The following SPAG16 variants were observed in gnomAD, a reference collection of about 807,000 sequenced individuals.
SPAG16 encodes the protein sperm-associated antigen 16 protein.
Under a neutral mutation model 80.4 loss-of-function variants are expected in SPAG16, and 86 were observed. That is an observed-to-expected ratio of 1.07 (90% CI 0.90 to 1.28). The LOEUF (loss-of-function observed/expected upper bound fraction) is 1.28, where lower values mean the gene tolerates loss of function less well. Among genes scored for constraint, SPAG16 ranks in the 50% most tolerant of loss-of-function variants. The probability of loss-of-function intolerance (pLI) is 0.00; values close to 1 mark genes in which losing one functional copy is unlikely to be tolerated. For synonymous variants in SPAG16, 294 were observed against 265.9 expected, an observed-to-expected ratio of 1.11 and a Z score of -1.03; for missense variants, 870 against 765.3, an observed-to-expected ratio of 1.14 and a Z score of -1.61.
intron 15 of SPAG16, among the ~76,000 whole-genome samples, chr2:214,305,368 T>G (rs1271971738): frequency 6.6e-6 from 1 of 152,218 alleles, no homozygotes; most frequent in Non-Finnish European, 1.5e-5. Context: ...AGAATCTCTT[T>G]AGTTTAATTA....
intron 10 of SPAG16, among the ~76,000 whole-genome samples, chr2:213,560,633 T>C (rs758052551): frequency 6.6e-6 from 1 of 152,196 alleles, no homozygotes; most frequent in Non-Finnish European, 1.5e-5. Flanking sequence ...TCTGGTGATA[T>C]AAGTTGTATG....
At chr2:213,986,891 CAAAAAAAAAAAAA>C (rs369965944) in intron 12 of SPAG16, among the ~76,000 whole-genome samples, 3 of 57,648 alleles carry the variant, frequency 5.2e-5, no homozygotes, top group East Asian at 1.6e-3. Flanking sequence ...TCTGGTATAG[CAAAAAAAAAAAAA>C]AAAAAAAAAA....
chr2:213,664,530 C>G (rs1294017369), intron 10 of SPAG16, among the ~76,000 whole-genome samples: 1 of 152,078 alleles, frequency 6.6e-6, no homozygotes, highest in African/African-American at 2.4e-5. Flanking sequence ...TAAGAAATGA[C>G]AAGCTCTCTG....
In SPAG16 at chr2:213,790,584, TATA is replaced by T. The variant is rs1240842427; in HGVS notation, c.1071-71897_1071-71895del. ...TTAATATTAGTCTTCTAACAGTTAT[TATA>T]ATATTTGTTTTGGTCTGTTTTATTT... On this transcript the variant is annotated intron_variant, in intron 10 of 15. Transcript: ENST00000331683. Among the ~76,000 whole-genome samples, 6 of 152,100 alleles carry T rather than the reference TATA, an allele frequency of 3.9e-5. No individual in the cohort carries two copies. The East Asian group carries it at 7.7e-4, about 20-fold the overall frequency.
intron 12 of SPAG16, among the ~76,000 whole-genome samples, chr2:214,005,095 G>T (rs1415401811): frequency 1.3e-5 from 2 of 152,042 alleles, no homozygotes; most frequent in African/African-American, 4.8e-5. Context: ...CCTGCCTCAG[G>T]TTGCTATTTT....
chr2:213,296,652 C>T (rs889855037), intron 2 of SPAG16, among the ~76,000 whole-genome samples: 3 of 152,046 alleles, frequency 2.0e-5, no homozygotes, highest in African/African-American at 7.2e-5. Flanking sequence ...ATAAGCCTGG[C>T]GAGCCTGGGT....
In SPAG16 at chr2:213,302,647, G is replaced by GTGTGTGTGTGTGTGTGTGTGTA. The variant is rs1553620021; in HGVS notation, c.279+5303_279+5304insGTGTGTGTATGTGTGTGTGTGT. Reference sequence around the variant, plus strand: ...GGTGTGTGTGTGTGTGTGTGTGTGTGTGTGTGTGTGTGTTGTGTATAAATG... The same window carrying GTGTGTGTGTGTGTGTGTGTGTA: ...GGTGTGTGTGTGTGTGTGTGTGTGTGTGTGTGTGTGTGTGTGTGTGTATGTGTGTGTGTGTTGTGTATAAATG... On this transcript the variant is annotated intron_variant, in intron 3 of 15. Transcript: ENST00000331683. 68 of 148,524 alleles carry GTGTGTGTGTGTGTGTGTGTGTA rather than the reference G, an allele frequency of 4.6e-4. 2 individuals carry two copies. The highest frequency in any genetic ancestry group is 4.4e-4 in the Non-Finnish European group (29 of 66,536). The allele number at this position is 148,524 out of a possible 1,614,324, so 9.2% of individuals were successfully genotyped here.
intron 15 of SPAG16, among the ~76,000 whole-genome samples, chr2:214,159,914 C>A (rs2056370212): frequency 6.6e-6 from 1 of 151,972 alleles, no homozygotes; most frequent in Non-Finnish European, 1.5e-5. Flanking sequence ...TCTTATATAT[C>A]TGTTGGTCTA....
chr2:213,705,113 A>AG (rs1167749806), intron 10 of SPAG16, among the ~76,000 whole-genome samples: 6 of 151,832 alleles, frequency 4.0e-5, no homozygotes, highest in Admixed American at 6.6e-5. Flanking sequence ...AACAAAAATT[A>AG]GGGGGGTGCC....
intron 10 of SPAG16, among the ~76,000 whole-genome samples, chr2:213,776,692 T>A (rs1053287030): frequency 3.3e-5 from 5 of 151,994 alleles, no homozygotes; most frequent in African/African-American, 9.7e-5. Flanking sequence ...AGAAATAAAA[T>A]AGAAAGCTGG....
intron 12 of SPAG16, among the ~76,000 whole-genome samples, chr2:213,942,024 TA>T: frequency 6.6e-6 from 1 of 152,208 alleles, no homozygotes; most frequent in Non-Finnish European, 1.5e-5. Context: ...TATTAATAAT[TA>T]ATTGTTTACA....
intron 10 of SPAG16, among the ~76,000 whole-genome samples, chr2:213,793,471 AGTCT>A (rs2070831913): frequency 6.6e-6 from 1 of 152,118 alleles, no homozygotes; most frequent in Non-Finnish European, 1.5e-5. Context: ...ATAAATTGCC[AGTCT>A]GGTTTCTGCA....
intron 10 of SPAG16, among the ~76,000 whole-genome samples, chr2:213,579,240 A>C (rs1007340305): frequency 3.9e-5 from 6 of 152,082 alleles, no homozygotes; most frequent in Non-Finnish European, 8.8e-5. Flanking sequence ...TATTAAGAGA[A>C]ACTCTGGATC....
At chr2:213,661,186 A>G (rs1215393974) in intron 10 of SPAG16, among the ~76,000 whole-genome samples, 1 of 152,210 alleles carries the variant, frequency 6.6e-6, no homozygotes, top group Non-Finnish European at 1.5e-5. Flanking sequence ...TGGTGTGCAT[A>G]CAGTTTACCT....
chr2:213,965,207 CT>C, intron 12 of SPAG16, among the ~76,000 whole-genome samples: 1 of 152,280 alleles, frequency 6.6e-6, no homozygotes, highest in Middle Eastern at 3.4e-3. Flanking sequence ...TGCAGTCCCC[CT>C]GACAATCTCT....
intron 10 of SPAG16, among the ~76,000 whole-genome samples, chr2:213,830,517 A>C (rs2073572253): frequency 6.6e-6 from 1 of 152,030 alleles, no homozygotes; most frequent in African/African-American, 2.4e-5. Flanking sequence ...TTAGTTGTTA[A>C]ATTTGGTGTT....
intron 7 of SPAG16, among the ~76,000 whole-genome samples, chr2:213,359,710 C>T (rs1251357431): frequency 6.6e-6 from 1 of 152,172 alleles, no homozygotes; most frequent in African/African-American, 2.4e-5. Context: ...AAAGGCAAAT[C>T]CCCCAACCCC....
chr2:213,322,640 C>T (rs1190907357), intron 5 of SPAG16, among the ~76,000 whole-genome samples: 1 of 152,078 alleles, frequency 6.6e-6, no homozygotes, highest in African/African-American at 2.4e-5. Flanking sequence ...TCTTTAAGTA[C>T]ATTAGGATAA....
intron 15 of SPAG16, among the ~76,000 whole-genome samples, chr2:214,273,202 C>T (rs1044901867): frequency 1.6e-4 from 24 of 151,934 alleles, no homozygotes; most frequent in Admixed American, 1.3e-3. Context: ...GCCCTTTGTC[C>T]GATGGGTAGA....
Sources: allele counts gnomAD v4.1 joint callset (sites outside exome capture counted in the v4.1 genomes callset), GRCh38; gene constraint gnomAD v4.1.1; transcripts MANE v1.5; gene names NCBI Gene and HGNC (gene_info 2026-07-23, HGNC 2026-07-21).